The following LYG1 variants were observed in gnomAD, a reference collection of about 807,000 sequenced individuals.
LYG1 encodes the protein lysozyme g1, also known as lysozyme g-like protein 1.
LYG1 carries 17 observed loss-of-function variants against 21.7 expected under a neutral mutation model. The observed-to-expected ratio is 0.78, with a 90% CI of 0.54 to 1.18. The LOEUF (loss-of-function observed/expected upper bound fraction) is 1.18, where lower values mean the gene tolerates loss of function less well. Among genes scored for constraint, LYG1 ranks in the 50% most tolerant of loss-of-function variants. The pLI is 0.00. For missense variants in LYG1, 211 were observed against 238.1 expected (o/e 0.89, Z 0.75); for synonymous variants, 81 against 87.4 (o/e 0.93, Z 0.41).
chr2:99,292,388 C>G (rs998796761), intron 4 of LYG1, 148 bp downstream of exon 4: 2 of 632,576 alleles, frequency 3.2e-6, no homozygotes, highest in Non-Finnish European at 5.6e-6. Context: ...GCCGCCTTGC[C>G]ACGGATGCAG....
Position 99,292,586 on chromosome 2 carries a change from G to T in LYG1, c.98C>A (p.Thr33Asn). Residue 33 changes from threonine to asparagine, a missense_variant, in exon 4 of 7, where the codon ACC (threonine) becomes AAC (asparagine). Physicochemically the swap from Thr to Asn is moderately conservative, Grantham distance 65. Coordinates refer to ENST00000308528, the MANE Select transcript of LYG1 (RefSeq NM_174898.3). ...GCYGNIQSLD[T>N]PGASCGIGRR... is the part of the protein sequence containing the mutation. ...TCCAATCCCACAAGATGCTCCAGGG[G>T]TGTCCAGGCTTTGGATGTTTCCATA... 6.2e-7 allele frequency: 1 copy of T among 1,614,184 alleles called. No homozygotes were observed. The highest frequency in any genetic ancestry group is 8.5e-7 in the Non-Finnish European group (1 of 1,180,026).
chr2:99,284,511 C>A lies in LYG1; in HGVS notation c.467G>T (p.Gly156Val). 6.2e-7 allele frequency: 1 copy of A among 1,613,972 alleles called. No individual in the cohort carries two copies. The highest frequency in any genetic ancestry group is 8.5e-7 in the Non-Finnish European group (1 of 1,179,914). ...ACCCCCACTGTAGGCACAGAGTCCA[C>A]CTGAAATGCATGAGATAGGTTAATG... ...PTWTPDQYLRGGLCAYSGGAG... is the reference protein window; with the variant it reads ...PTWTPDQYLRVGLCAYSGGAG... Residue 156 changes from glycine to valine, a missense_variant and splice_region_variant, in exon 7 of 7, where the codon GGT (glycine) becomes GTT (valine). Gly to Val is a moderately radical substitution (Grantham distance 109). Transcript: ENST00000308528.
At chr2:99,291,167 A>C (rs1338023189) in intron 5 of LYG1, 70 bp downstream of exon 5, 1 of 1,470,150 alleles carries the variant, frequency 6.8e-7, no homozygotes, top group Non-Finnish European at 9.4e-7. Context: ...AAGCTTTGCC[A>C]TCATCCAAAA....
At chr2:99,302,378 G>C (rs993536912), upstream of LYG1, among the ~76,000 whole-genome samples, 4 of 152,158 alleles carry the variant, frequency 2.6e-5, no homozygotes, top group African/African-American at 9.6e-5. Context: ...CTGGCACACT[G>C]TAAGTGTTCA....
intron 1 of LYG1, among the ~76,000 whole-genome samples, chr2:99,299,906 A>T (rs1406101504): frequency 6.6e-6 from 1 of 151,504 alleles, no homozygotes; most frequent in Non-Finnish European, 1.5e-5. Flanking sequence ...CTCCCTCCCT[A>T]CATATATACA....
At chr2:99,285,680 C>A (rs574701480) in intron 5 of LYG1, among the ~76,000 whole-genome samples, 1 of 152,298 alleles carries the variant, frequency 6.6e-6, no homozygotes, top group East Asian at 1.9e-4. Context: ...GGGATTTTCC[C>A]AATGTCACAT....
At chr2:99,289,483 T>C (rs1490798276) in intron 5 of LYG1, among the ~76,000 whole-genome samples, 1 of 151,324 alleles carries the variant, frequency 6.6e-6, no homozygotes, top group Non-Finnish European at 1.5e-5. Context: ...GTTAAGATGA[T>C]AGATCTCATG....
intron 4 of LYG1, 21 bp from the exon 5 acceptor site, chr2:99,291,442 A>G: frequency 1.2e-6 from 2 of 1,612,700 alleles, no homozygotes; most frequent in Non-Finnish European, 1.7e-6. Flanking sequence ...CGCAAAAGGA[A>G]TGATGCAGCT....
chr2:99,296,028 C>A (rs1369244012), intron 2 of LYG1, among the ~76,000 whole-genome samples: 2 of 151,822 alleles, frequency 1.3e-5, no homozygotes, highest in African/African-American at 2.4e-5. Flanking sequence ...TGGCTCCAGA[C>A]CCTGAAAAGC....
upstream of LYG1, among the ~76,000 whole-genome samples, chr2:99,302,418 G>A (rs1377248174): frequency 6.6e-6 from 1 of 152,220 alleles, no homozygotes; most frequent in Non-Finnish European, 1.5e-5. Flanking sequence ...GTCAATGACT[G>A]AAGAATTCCT....
chr2:99,301,613 G>C (rs543044605), upstream of LYG1, among the ~76,000 whole-genome samples: 2 of 120,382 alleles, frequency 1.7e-5, no homozygotes, highest in South Asian at 6.1e-4. Flanking sequence ...TTTTCTTACA[G>C]ACCCAGACAG....
At chr2:99,287,134 T>C (rs1162843813) in intron 5 of LYG1, among the ~76,000 whole-genome samples, 1 of 152,200 alleles carries the variant, frequency 6.6e-6, no homozygotes, top group Non-Finnish European at 1.5e-5. Flanking sequence ...GAGTTGCTAA[T>C]TAATGGGTAT....
At chr2:99,285,840 C>T (rs2094098037) in intron 5 of LYG1, among the ~76,000 whole-genome samples, 1 of 152,286 alleles carries the variant, frequency 6.6e-6, no homozygotes, top group African/African-American at 2.4e-5. Context: ...ACCTGGAGAT[C>T]AGACAGTAAA....
intron 5 of LYG1, among the ~76,000 whole-genome samples, chr2:99,288,527 T>C (rs6749029): frequency 0.83 from 126,159 of 151,900 alleles, 52,986 homozygotes; most frequent in Middle Eastern, 0.97. Flanking sequence ...TCAATGTGTC[T>C]CTCTTTTTCT....
intron 1 of LYG1, among the ~76,000 whole-genome samples, chr2:99,300,081 CTTTT>C (rs11355267): frequency 6.7e-6 from 1 of 149,186 alleles, no homozygotes; most frequent in South Asian, 2.1e-4. Flanking sequence ...CCACTAAGAT[CTTTT>C]TTTTTTTGAG....
intron 4 of LYG1, among the ~76,000 whole-genome samples, chr2:99,291,693 C>G (rs2094118807): frequency 6.6e-6 from 1 of 152,152 alleles, no homozygotes; most frequent in African/African-American, 2.4e-5. Flanking sequence ...CTGGCCCACC[C>G]AGGACAATTC....
intron 5 of LYG1, 48 bp from the exon 6 acceptor site, chr2:99,284,868 G>C: frequency 6.2e-7 from 1 of 1,603,966 alleles, no homozygotes; most frequent in Non-Finnish European, 8.5e-7. Flanking sequence ...GGGTGGGAGG[G>C]TGATCCGGCT....
chr2:99,295,841 A>G, intron 2 of LYG1, 139 bp from the exon 3 acceptor site: 2 of 798,482 alleles, frequency 2.5e-6, no homozygotes, highest in Non-Finnish European at 4.0e-6. Flanking sequence ...TTTGAATCAT[A>G]GTGAAAAAAA....
chr2:99,291,185 C>A, intron 5 of LYG1, 52 bp downstream of exon 5: 1 of 1,558,204 alleles, frequency 6.4e-7, no homozygotes, highest in Non-Finnish European at 8.8e-7. Context: ...AAAAACAAAG[C>A]AGTGGTGCCA....
Sources: gnomAD v4.1 joint callset for allele counts (sites outside exome capture counted in the v4.1 genomes callset) on GRCh38, gnomAD v4.1.1 for gene constraint, MANE v1.5 for transcripts, NCBI Gene and HGNC (gene_info 2026-07-23, HGNC 2026-07-21) for gene names.